Variants in ANKS1B observed in about 807,000 individuals in gnomAD.
The protein encoded by ANKS1B is ankyrin repeat and sterile alpha motif domain containing 1B, also known as ankyrin repeat and sterile alpha motif domain-containing protein 1B.
A neutral mutation model predicts 148.3 loss-of-function variants in ANKS1B; 36 were observed. That is an observed-to-expected ratio of 0.24 (90% CI 0.19 to 0.32). The LOEUF is 0.32. Ranked by LOEUF, ANKS1B falls within the 10% of genes least tolerant of loss-of-function variation. The probability of loss-of-function intolerance (pLI) is 1.00; values close to 1 mark genes in which losing one functional copy is unlikely to be tolerated. For synonymous variants in ANKS1B, 542 were observed against 560.8 expected, an observed-to-expected ratio of 0.97 and a Z score of 0.47; for missense variants, 1,157 against 1,542.6, an observed-to-expected ratio of 0.75 and a Z score of 4.19.
chr12:99,423,863 G>C (rs1594530830), intron 11 of ANKS1B, among the ~76,000 whole-genome samples: 1 of 152,096 alleles, frequency 6.6e-6, no homozygotes, highest in South Asian at 2.1e-4. Flanking sequence ...AGGAGGGAGA[G>C]GATCAGGAAA....
chr12:99,593,010 G>A (rs2097719055), intron 9 of ANKS1B, among the ~76,000 whole-genome samples: 1 of 152,088 alleles, frequency 6.6e-6, no homozygotes, highest in South Asian at 2.1e-4. Context: ...GGTTTATGGA[G>A]ACCAAAGTTT....
At chr12:99,560,979 T>C (rs775723864) in intron 9 of ANKS1B, among the ~76,000 whole-genome samples, 2 of 151,284 alleles carry the variant, frequency 1.3e-5, no homozygotes, top group Non-Finnish European at 2.9e-5. Flanking sequence ...CCTGAGTAGC[T>C]GGGACTACAG....
At chr12:99,229,736 ACTT>A (rs760527059) in intron 14 of ANKS1B, among the ~76,000 whole-genome samples, 18 of 151,882 alleles carry the variant, frequency 1.2e-4, no homozygotes, top group Admixed American at 3.9e-4. Context: ...AATTACTTTT[ACTT>A]CTTCTTCTGT....
At chr12:99,053,011 C>T (rs1423003130) in intron 17 of ANKS1B, 146 bp downstream of exon 17, 3 of 703,102 alleles carry the variant, frequency 4.3e-6, no homozygotes, top group Admixed American at 3.8e-5. Flanking sequence ...AAGACAATGA[C>T]TCTGGAGCTT....
At chr12:98,849,669 C>CT (rs999948187) in intron 17 of ANKS1B, among the ~76,000 whole-genome samples, 21 of 151,640 alleles carry the variant, frequency 1.4e-4, no homozygotes, top group East Asian at 7.7e-4. Context: ...TTTTCAAATA[C>CT]TTTTTTTTTC....
At chr12:99,442,645 G>A (rs560490705) in intron 11 of ANKS1B, among the ~76,000 whole-genome samples, 2 of 152,006 alleles carry the variant, frequency 1.3e-5, no homozygotes, top group Non-Finnish European at 2.9e-5. Flanking sequence ...ATATTAAAGT[G>A]TTCTACAAAC....
chr12:99,881,152 TACAA>T (rs1357091344), intron 1 of ANKS1B, among the ~76,000 whole-genome samples: 2 of 152,212 alleles, frequency 1.3e-5, no homozygotes, highest in African/African-American at 4.8e-5. Context: ...GACACCAGCA[TACAA>T]ACAGAGAGAT....
At chr12:98,773,260 C>G in intron 24 of ANKS1B, 81 bp from the exon 25 acceptor site, 2 of 1,477,452 alleles carry the variant, frequency 1.4e-6, no homozygotes, top group Non-Finnish European at 1.8e-6. Flanking sequence ...ACCCAGGAAG[C>G]AGTTGCTTTC....
intron 12 of ANKS1B, among the ~76,000 whole-genome samples, chr12:99,322,491 AAAG>A (rs1196445698): frequency 6.6e-6 from 1 of 151,858 alleles, no homozygotes; most frequent in Non-Finnish European, 1.5e-5. Context: ...AAAAAAAAAA[AAAG>A]AAAAAGAAAA....
chr12:99,448,311 G>A (rs766090578), intron 10 of ANKS1B, among the ~76,000 whole-genome samples: 3 of 152,090 alleles, frequency 2.0e-5, no homozygotes, highest in Non-Finnish European at 2.9e-5. Context: ...GATGAACCTG[G>A]AGGACCTTGT....
In ANKS1B at chr12:98,941,382, TAGCA is replaced by T. The variant is rs2099836346; in HGVS notation, c.2779-109250_2779-109247del. On this transcript the variant is annotated intron_variant, in intron 17 of 26. Transcript: ENST00000683438. The stretch of plus-strand genomic sequence containing the variant: ...AAAAAGCATATAAATATGAAAAATA[TAGCA>T]CTAAGTAGATCTTAGAAAAGATACT... 7.9e-5 allele frequency among the ~76,000 whole-genome samples: 12 copies of T among 152,260 alleles called. No homozygotes were observed. In the South Asian group the frequency reaches 2.5e-3, roughly 32 times the overall value.
intron 12 of ANKS1B, among the ~76,000 whole-genome samples, chr12:99,326,687 T>C (rs898559027): frequency 3.3e-5 from 5 of 151,962 alleles, no homozygotes; most frequent in Non-Finnish European, 5.9e-5. Flanking sequence ...AGAAAGTTTA[T>C]ATATTTCTTA....
At chr12:98,892,309 C>T (rs765604269) in intron 17 of ANKS1B, among the ~76,000 whole-genome samples, 2 of 152,138 alleles carry the variant, frequency 1.3e-5, no homozygotes, top group Non-Finnish European at 2.9e-5. Context: ...CTCAAATATG[C>T]TTATTCAATG....
intron 17 of ANKS1B, among the ~76,000 whole-genome samples, chr12:98,933,676 AT>A (rs1396863582): frequency 6.6e-6 from 1 of 152,050 alleles, no homozygotes; most frequent in East Asian, 1.9e-4. Flanking sequence ...TTTTAAAAAA[AT>A]AATACTCATC....
intron 12 of ANKS1B, among the ~76,000 whole-genome samples, chr12:99,369,891 GATAA>G (rs1342709213): frequency 6.7e-6 from 1 of 150,352 alleles, no homozygotes; most frequent in South Asian, 2.1e-4. Context: ...TAGATAGATA[GATAA>G]AATATGGCAA....
chr12:98,908,562 T>A (rs917891555), intron 17 of ANKS1B, among the ~76,000 whole-genome samples: 4 of 152,220 alleles, frequency 2.6e-5, no homozygotes, highest in Non-Finnish European at 5.9e-5. Flanking sequence ...TTAAATAAGA[T>A]GACATGTATA....
intron 12 of ANKS1B, among the ~76,000 whole-genome samples, chr12:99,293,355 G>T (rs557650616): frequency 6.6e-5 from 10 of 151,402 alleles, no homozygotes; most frequent in Non-Finnish European, 1.2e-4. Context: ...CTGTCGGGGG[G>T]TGGGGGCTGG....
At chr12:99,510,807 A>G (rs964540598) in intron 9 of ANKS1B, among the ~76,000 whole-genome samples, 1 of 151,978 alleles carries the variant, frequency 6.6e-6, no homozygotes, top group African/African-American at 2.4e-5. Context: ...CTTTCATGAA[A>G]GGAAGACTCA....
At chr12:99,605,548 T>A (rs1000646808) in intron 9 of ANKS1B, among the ~76,000 whole-genome samples, 2 of 152,062 alleles carry the variant, frequency 1.3e-5, no homozygotes, top group African/African-American at 4.8e-5. Flanking sequence ...TGAGATCAAC[T>A]TTTTTAGCTC....
Sources: allele counts gnomAD v4.1 joint callset (sites outside exome capture counted in the v4.1 genomes callset), GRCh38; gene constraint gnomAD v4.1.1; transcripts MANE v1.5; gene names NCBI Gene and HGNC (gene_info 2026-07-23, HGNC 2026-07-21).